Variants in LIMA1 observed in about 807,000 individuals in gnomAD.
LIMA1 encodes the protein LIM domain and actin-binding protein 1.
LIMA1 carries 52 observed loss-of-function variants against 62.6 expected under a neutral mutation model. That is an observed-to-expected ratio of 0.83 (90% CI 0.67 to 1.05). The LOEUF is 1.05. Ranked by LOEUF, LIMA1 falls within the 50% of genes least tolerant of loss-of-function variation. The pLI is 0.00. For missense variants in LIMA1, 780 were observed against 902.2 expected (o/e 0.86, Z 1.74); for synonymous variants, 302 against 317.8 (o/e 0.95, Z 0.53).
chr12:50,203,054 G>C (rs143571061), intron 6 of LIMA1, among the ~76,000 whole-genome samples: 1,739 of 147,020 alleles, frequency 0.012, 43 homozygotes, highest in African/African-American at 0.04. Flanking sequence ...CTGTCACCCA[G>C]GCTGGAGTAC....
intron 3 of LIMA1, among the ~76,000 whole-genome samples, chr12:50,229,187 T>A (rs577504168): frequency 1.4e-4 from 22 of 152,324 alleles, no homozygotes; most frequent in Middle Eastern, 3.4e-3. Flanking sequence ...TTATTGTTCC[T>A]CTACATTCTC....
At chr12:50,189,400 G>A (rs917193830) in intron 9 of LIMA1, 6 of 152,126 alleles carry the variant, frequency 3.9e-5, no homozygotes, top group African/African-American at 1.4e-4. Context: ...AAGCACGGCA[G>A]ATATGAGCAT....
chr12:50,196,657 A>G (rs1940936864), intron 7 of LIMA1, among the ~76,000 whole-genome samples: 1 of 152,242 alleles, frequency 6.6e-6, no homozygotes, highest in Non-Finnish European at 1.5e-5. Flanking sequence ...CACTCTTCAC[A>G]TAATTTCCTT....
chr12:50,199,750 C>T (rs79195091), intron 7 of LIMA1, among the ~76,000 whole-genome samples: 2,009 of 152,202 alleles, frequency 0.013, 54 homozygotes, highest in African/African-American at 0.044. Context: ...TTTTCTTGCA[C>T]AAAATGTGTT....
chr12:50,282,936 G>A (rs1180286843), intron 1 of LIMA1, among the ~76,000 whole-genome samples: 1 of 152,210 alleles, frequency 6.6e-6, no homozygotes, highest in Non-Finnish European at 1.5e-5. Flanking sequence ...TGCAAGGACT[G>A]CTATATTCTC....
At chr12:50,283,019 A>G (rs1942358780) in intron 1 of LIMA1, among the ~76,000 whole-genome samples, 1 of 152,212 alleles carries the variant, frequency 6.6e-6, no homozygotes, top group Admixed American at 6.5e-5. Context: ...AAAAATCGAA[A>G]AGAGAGGGAA....
chr12:50,252,511 G>A (rs1281201819), intron 1 of LIMA1, among the ~76,000 whole-genome samples: 2 of 151,174 alleles, frequency 1.3e-5, no homozygotes, highest in African/African-American at 4.9e-5. Context: ...AACCTGGGAG[G>A]CGGAGGTTGC....
chr12:50,189,495 T>C (rs1940703910), intron 9 of LIMA1: 1 of 152,178 alleles, frequency 6.6e-6, no homozygotes, highest in African/African-American at 2.4e-5. Flanking sequence ...AACACAACCC[T>C]GCTACTTAAA....
intron 2 of LIMA1, among the ~76,000 whole-genome samples, chr12:50,232,358 G>T (rs1372724891): frequency 6.7e-6 from 1 of 149,070 alleles, no homozygotes; most frequent in East Asian, 2.0e-4. Flanking sequence ...CACCAGCCCG[G>T]CTACTTTCTT....
intron 3 of LIMA1, among the ~76,000 whole-genome samples, chr12:50,231,319 G>A (rs181007544): frequency 6.6e-6 from 1 of 152,316 alleles, no homozygotes; most frequent in Admixed American, 6.5e-5. Flanking sequence ...ATGCACAGAT[G>A]TAGAAGTTCT....
chr12:50,258,220 T>A (rs1942022362), intron 1 of LIMA1, among the ~76,000 whole-genome samples: 2 of 152,218 alleles, frequency 1.3e-5, no homozygotes, highest in Non-Finnish European at 1.5e-5. Context: ...GCCACTGAGA[T>A]GTCACTGCTT....
At chr12:50,179,747 GT>G (rs1292477108) in intron 10 of LIMA1, among the ~76,000 whole-genome samples, 49 of 129,696 alleles carry the variant, frequency 3.8e-4, no homozygotes, top group South Asian at 5.2e-4. Flanking sequence ...ATTTTTTGTT[GT>G]TTTTTTTTTT....
intron 1 of LIMA1, among the ~76,000 whole-genome samples, chr12:50,250,117 G>A (rs1440114267): frequency 3.3e-5 from 5 of 151,790 alleles, no homozygotes; most frequent in African/African-American, 9.7e-5. Context: ...TGACCAACAT[G>A]GTGAAATCCT....
intron 1 of LIMA1, among the ~76,000 whole-genome samples, chr12:50,267,673 C>T (rs186991280): frequency 2.0e-5 from 3 of 152,036 alleles, no homozygotes; most frequent in African/African-American, 7.2e-5. Context: ...GTGCATGCCA[C>T]CACACCCAGT....
At chr12:50,181,819 A>C in intron 10 of LIMA1, 85 bp downstream of exon 10, 1 of 1,405,378 alleles carries the variant, frequency 7.1e-7, no homozygotes, top group African/African-American at 1.4e-5. Flanking sequence ...TTAGCACAGT[A>C]GCTTTTAGCA....
intron 1 of LIMA1, among the ~76,000 whole-genome samples, chr12:50,251,805 C>CA (rs549598670): frequency 5.3e-5 from 8 of 152,148 alleles, no homozygotes; most frequent in Non-Finnish European, 1.2e-4. Context: ...CTAGGAGAGG[C>CA]ACACAGTTCT....
intron 2 of LIMA1, among the ~76,000 whole-genome samples, chr12:50,245,412 C>CAA (rs1298537875): frequency 0.022 from 1,800 of 83,696 alleles, 36 homozygotes; most frequent in African/African-American, 0.073. Flanking sequence ...GACCCTGTCT[C>CAA]AAAAAAAAAA....
chr12:50,254,328 G>A (rs1404586229), intron 1 of LIMA1, among the ~76,000 whole-genome samples: 1 of 152,216 alleles, frequency 6.6e-6, no homozygotes, highest in Non-Finnish European at 1.5e-5. Context: ...TGAGAAGGAA[G>A]ATGCCTTCAG....
At chr12:50,223,918 G>A (rs1210000850) in intron 3 of LIMA1, among the ~76,000 whole-genome samples, 1 of 151,856 alleles carries the variant, frequency 6.6e-6, no homozygotes, top group East Asian at 1.9e-4. Flanking sequence ...CGCGCCTGTA[G>A]TCCCAGCTAC....
Sources: allele counts gnomAD v4.1 joint callset (sites outside exome capture counted in the v4.1 genomes callset), GRCh38; gene constraint gnomAD v4.1.1; transcripts MANE v1.5; gene names NCBI Gene and HGNC (gene_info 2026-07-23, HGNC 2026-07-21).